The following CCDC14 variants were observed in gnomAD, a reference collection of about 807,000 sequenced individuals.
The protein encoded by CCDC14 is coiled-coil domain-containing protein 14.
Under a neutral mutation model 81.4 loss-of-function variants are expected in CCDC14, and 71 were observed. That is an observed-to-expected ratio of 0.87 (90% CI 0.72 to 1.06). The LOEUF (loss-of-function observed/expected upper bound fraction) is 1.06. Ranked by LOEUF, CCDC14 falls within the 50% of genes least tolerant of loss-of-function variation. The probability of loss-of-function intolerance (pLI) is 0.00; values close to 1 mark genes in which losing one functional copy is unlikely to be tolerated. For synonymous variants in CCDC14, 332 were observed against 364.8 expected, an observed-to-expected ratio of 0.91 and a Z score of 1.03; for missense variants, 1,046 against 1,047.3, an observed-to-expected ratio of 1.00 and a Z score of 0.02.
chr3:123,904,978 A>G (rs1221132439), intron 5 of CCDC14, among the ~76,000 whole-genome samples: 1 of 152,218 alleles, frequency 6.6e-6, no homozygotes, highest in East Asian at 1.9e-4. Context: ...AATTAAAAGT[A>G]TGGTATTGCA....
chr3:123,942,896 T>A (rs2036424810), intron 9 of CCDC14, among the ~76,000 whole-genome samples: 1 of 152,068 alleles, frequency 6.6e-6, no homozygotes, highest in East Asian at 1.9e-4. Flanking sequence ...AGAATGTAAT[T>A]CCAACAAGTT....
chr3:123,904,739 A>G (rs138751101), intron 5 of CCDC14, among the ~76,000 whole-genome samples: 1 of 152,306 alleles, frequency 6.6e-6, no homozygotes, highest in East Asian at 1.9e-4. Context: ...GTGTTATACA[A>G]TATTAATGAG....
In CCDC14 at chr3:123,948,904, G is replaced by C. The variant is rs1394089447; in HGVS notation, c.581C>G (p.Ser194Cys). The C allele has an allele frequency of 6.2e-7, 1 of 1,612,742 alleles. No homozygotes were observed. Among genetic ancestry groups the C allele is most frequent in the East Asian group, 2.2e-5 (1 of 44,866 alleles). The change falls in exon 6 of 13, where the codon TCT (serine) becomes TGT (cysteine). Residue 194 changes from serine to cysteine, a missense_variant. Coordinates refer to ENST00000409697, the MANE Select transcript of CCDC14 (RefSeq NM_001366335.1). ...GIPAVPCHAP[S>C]HSESQATPHS... ...ACAGCATTCGTACTCACCAGAATGA[G>C]AGGGAGCATGGCATGGTACAGCAGG...
At chr3:123,947,391 A>G (rs933639337) in intron 7 of CCDC14, 72 bp from the exon 8 acceptor site, 13 of 941,952 alleles carry the variant, frequency 1.4e-5, no homozygotes, top group African/African-American at 1.1e-4. Context: ...AACAAACTCA[A>G]ATATATGAAA....
At chr3:123,925,958 C>T (rs2035336036) in intron 12 of CCDC14, among the ~76,000 whole-genome samples, 1 of 152,074 alleles carries the variant, frequency 6.6e-6, no homozygotes, top group African/African-American at 2.4e-5. Flanking sequence ...GTTGTTACTA[C>T]AACACAAAAA....
At chr3:123,911,653 G>C (rs2034449131), downstream of CCDC14, among the ~76,000 whole-genome samples, 1 of 152,126 alleles carries the variant, frequency 6.6e-6, no homozygotes, top group Admixed American at 6.5e-5. Flanking sequence ...TTTAAGGACA[G>C]AATGTCTGTC....
chr3:123,916,462 ATGTGTTTGTG>A (rs1167917298), intron 12 of CCDC14, among the ~76,000 whole-genome samples: 2 of 81,990 alleles, frequency 2.4e-5, no homozygotes, highest in East Asian at 1.2e-3. Context: ...TTCATTATAT[ATGTGTTTGTG>A]TGTGTGTGTG....
At chr3:123,958,712 A>T (rs1195519243) in intron 1 of CCDC14, 2 of 152,146 alleles carry the variant, frequency 1.3e-5, no homozygotes, top group African/African-American at 4.8e-5. Context: ...ATTAACATTG[A>T]TACAGAATTA....
chr3:123,938,324 T>C (rs970375453), intron 9 of CCDC14, among the ~76,000 whole-genome samples: 1 of 151,968 alleles, frequency 6.6e-6, no homozygotes, highest in Non-Finnish European at 1.5e-5. Context: ...TTTCAGTGTA[T>C]GGGTCTTACA....
chr3:123,920,129 C>T (rs1303477162), intron 12 of CCDC14, among the ~76,000 whole-genome samples: 1 of 151,898 alleles, frequency 6.6e-6, no homozygotes, highest in African/African-American at 2.4e-5. Flanking sequence ...CTGAAAAATT[C>T]AATCAAATAC....
chr3:123,915,438 T>C lies in CCDC14; in HGVS notation c.2059A>G (p.Asn687Asp), dbSNP rs200496498. 38 of 1,613,932 alleles carry C rather than the reference T, an allele frequency of 2.4e-5. No individual in the cohort carries two copies. The highest frequency in any genetic ancestry group is 1.6e-4 in the Middle Eastern group (1 of 6,084). The change falls in exon 13 of 13, where the codon AAT (asparagine) becomes GAT (aspartate). Residue 687 changes from asparagine (N) to aspartate (D), a missense_variant. Asn to Asp is a conservative substitution (Grantham distance 23, BLOSUM62 1). Coordinates refer to ENST00000409697, the MANE Select transcript of CCDC14 (RefSeq NM_001366335.1). ...TCCTCCATGCCCCTAGTGTTACTAT[T>C]TTGAGGGCCTCTGGAGGACAGAACA... ...ENVLSSRGPQ[N>D]SNTRGMEEAS...
chr3:123,918,157 A>C (rs1181001828), intron 12 of CCDC14, among the ~76,000 whole-genome samples: 2 of 152,302 alleles, frequency 1.3e-5, no homozygotes, highest in African/African-American at 4.8e-5. Context: ...TCTCTATACT[A>C]AACAGTCAGT....
downstream of CCDC14, chr3:123,913,397 A>AT: frequency 6.1e-6 from 6 of 983,868 alleles, no homozygotes; most frequent in Non-Finnish European, 7.2e-6. Context: ...ACAGTTAAAT[A>AT]TTTGGGAGTA....
intron 12 of CCDC14, among the ~76,000 whole-genome samples, chr3:123,920,961 G>C (rs2035012295): frequency 6.6e-6 from 1 of 152,158 alleles, no homozygotes; most frequent in South Asian, 2.1e-4. Flanking sequence ...GTTTTTGTAT[G>C]TGATTAAAGT....
Position 123,928,366 on chromosome 3 carries a change from C to T in CCDC14, c.1778+2736G>A, listed in dbSNP as rs2035499986. Among the ~76,000 whole-genome samples the T allele has an allele frequency of 4.5e-5, 6 of 134,592 alleles. No individual in the cohort carries two copies. In the South Asian group the frequency reaches 7.2e-4, roughly 16 times the overall value. The allele number at this position is 134,592 out of a possible 152,430, so 88.3% of individuals were successfully genotyped here. A position where few individuals can be genotyped will look rare whatever the true frequency, so the allele number is the denominator to read the frequency against. On this transcript the variant is annotated intron_variant, in intron 12 of 12. Coordinates refer to ENST00000409697, the MANE Select transcript of CCDC14 (RefSeq NM_001366335.1). ...AAAAAAAAAAAAAAAAATAGCTGGG[C>T]GTGGTGGAGGGCACCTGTAGTCCCA... is the stretch of plus-strand genomic sequence containing the variant.
chr3:123,942,040 CA>C (rs918529541), intron 9 of CCDC14, among the ~76,000 whole-genome samples: 1 of 151,966 alleles, frequency 6.6e-6, no homozygotes, highest in Non-Finnish European at 1.5e-5. Flanking sequence ...CTATGTTCCA[CA>C]AAATACACCT....
At chr3:123,891,868 C>G in the CCDC14 span, among the ~76,000 whole-genome samples, 1 of 152,054 alleles carries the variant, frequency 6.6e-6, no homozygotes, top group Non-Finnish European at 1.5e-5. Flanking sequence ...TGCTAATATG[C>G]TAATAAAGAC....
At position 123,914,831 on chromosome 3, in the gene CCDC14, G is replaced by C; in HGVS notation, c.2666C>G (p.Ala889Gly). The change falls in exon 13 of 13, where the codon GCC (alanine) becomes GGC (glycine). Residue 889 changes from alanine to glycine, a missense_variant. Physicochemically the swap from Ala to Gly is moderately conservative, Grantham distance 60. Coordinates refer to ENST00000409697, the MANE Select transcript of CCDC14 (RefSeq NM_001366335.1). ...AGACTTCTGGAGTCTAGCTATGTTG[G>C]CATCTAATGCCGCAAGGCCATTTCT... ...DFRNGLAALDANIARLQKSLR... is the reference protein window; with the variant it reads ...DFRNGLAALDGNIARLQKSLR... 2 of 1,597,068 alleles carry C rather than the reference G, an allele frequency of 1.3e-6. No individual in the cohort carries two copies. The highest frequency in any genetic ancestry group is 1.7e-6 in the Non-Finnish European group (2 of 1,171,328).
At position 123,935,780 on chromosome 3, in the gene CCDC14, C is replaced by T. The variant is rs2036027038; in HGVS notation, c.1344-2025G>A. 3.3e-5 allele frequency among the ~76,000 whole-genome samples: 5 copies of T among 152,286 alleles called. No homozygotes were observed. The South Asian group carries it at 1.0e-3, about 32-fold the overall frequency. ...ATGTCCCTGGTCAGATTCTTCTCTTCCCAAACGTAACCAATCTAAACTTCT... is the reference window on the plus strand; with the variant it reads ...ATGTCCCTGGTCAGATTCTTCTCTTTCCAAACGTAACCAATCTAAACTTCT... On this transcript the variant is annotated intron_variant, in intron 9 of 12. Coordinates refer to ENST00000409697, the MANE Select transcript of CCDC14 (RefSeq NM_001366335.1).
Sources: allele counts gnomAD v4.1 joint callset (sites outside exome capture counted in the v4.1 genomes callset), GRCh38; gene constraint gnomAD v4.1.1; transcripts MANE v1.5; gene names NCBI Gene and HGNC (gene_info 2026-07-23, HGNC 2026-07-21).